FGFR1: variants seen among roughly 807,000 people sequenced by gnomAD.
The protein encoded by FGFR1 is FGFR1/PLAG1 fusion.
Under a neutral mutation model 93.7 loss-of-function variants are expected in FGFR1, and 18 were observed. The ratio of observed to expected loss-of-function variants is 0.19; its 90% CI spans 0.13 to 0.28. The LOEUF (loss-of-function observed/expected upper bound fraction) is 0.28. FGFR1 is among the 10% of genes least tolerant of loss of function. FGFR1 has a pLI of 1.00. For synonymous variants in FGFR1, 448 were observed against 429.3 expected (o/e 1.04, Z -0.54); for missense variants, 731 against 1,080.4 (o/e 0.68, Z 4.53).
intron 2 of FGFR1, among the ~76,000 whole-genome samples, chr8:38,444,220 G>C (rs1324800947): frequency 1.3e-5 from 2 of 152,048 alleles, no homozygotes; most frequent in Non-Finnish European, 2.9e-5. Flanking sequence ...TGGGACCACT[G>C]GTCTGTTCCA....
chr8:38,467,453 T>C (rs1487735898), intron 1 of FGFR1, among the ~76,000 whole-genome samples: 1 of 152,008 alleles, frequency 6.6e-6, no homozygotes, highest in Admixed American at 6.6e-5. Flanking sequence ...GAAAAGGACT[T>C]AGGAATGCCC....
At chr8:38,418,061 T>A in intron 10 of FGFR1, 70 bp from the exon 11 acceptor site, 1 of 1,611,026 alleles carries the variant, frequency 6.2e-7, no homozygotes, top group Admixed American at 1.7e-5. Flanking sequence ...GCACCCCATC[T>A]CCACCTCTCT....
rs572421760 is a variant in FGFR1, at chr8:38,455,963, G to A, written c.91+1393C>T. ...CTCTCCCACTTTGGGTCCCCACCGTGCTCCAGCTCAGACCTTGCCTTCGGT... is the reference window on the plus strand; with the variant it reads ...CTCTCCCACTTTGGGTCCCCACCGTACTCCAGCTCAGACCTTGCCTTCGGT... On this transcript the variant is annotated intron_variant, in intron 2 of 17. Coordinates refer to ENST00000447712, the MANE Select transcript of FGFR1 (RefSeq NM_023110.3). 2.6e-5 allele frequency among the ~76,000 whole-genome samples: 4 copies of A among 152,256 alleles called. No homozygotes were observed. The South Asian group carries it at 8.3e-4, about 32-fold the overall frequency.
chr8:38,436,135 G>A (rs980768431), intron 2 of FGFR1, among the ~76,000 whole-genome samples: 4 of 152,180 alleles, frequency 2.6e-5, no homozygotes, highest in African/African-American at 9.7e-5. Context: ...AGCCCTTTGG[G>A]AGGCCAAGGT....
intron 2 of FGFR1, among the ~76,000 whole-genome samples, chr8:38,449,242 G>C (rs1212604595): frequency 6.6e-6 from 1 of 152,078 alleles, no homozygotes; most frequent in Non-Finnish European, 1.5e-5. Context: ...ACTAAGATTT[G>C]AGCAGGAATT....
chr8:38,418,507 T>C, intron 9 of FGFR1, 134 bp from the exon 10 acceptor site: 1 of 1,139,332 alleles, frequency 8.8e-7, no homozygotes. Flanking sequence ...CAACACAGAG[T>C]GGTCCAAAGA....
chr8:38,418,018 A>G (rs776865304), intron 10 of FGFR1, 27 bp from the exon 11 acceptor site: 2 of 1,613,978 alleles, frequency 1.2e-6, no homozygotes, highest in East Asian at 2.2e-5. Flanking sequence ...AGAGTGGCAT[A>G]AGTTGGGGCT....
chr8:38,423,312 GT>G (rs58594253), intron 7 of FGFR1: 36,199 of 348,034 alleles, frequency 0.1, no homozygotes, highest in South Asian at 0.15. Flanking sequence ...TTCCCTTTTA[GT>G]TTTTTTTTTT....
intron 3 of FGFR1, 47 bp from the exon 4 acceptor site, chr8:38,428,482 G>C: frequency 6.7e-7 from 1 of 1,490,796 alleles, no homozygotes; most frequent in Non-Finnish European, 9.2e-7. Flanking sequence ...GGGACCCCTA[G>C]ATTTCACCAA....
In FGFR1 at chr8:38,418,219, T is replaced by A. The variant is rs371390925; in HGVS notation, c.1430+9A>T. 3 of 1,613,890 alleles carry A rather than the reference T, an allele frequency of 1.9e-6. No individual in the cohort carries two copies. The African/African-American group carries it at 4.0e-5, about 22-fold the overall frequency. On this transcript the variant is annotated intron_variant, in intron 10 of 17. Coordinates refer to ENST00000447712, the MANE Select transcript of FGFR1 (RefSeq NM_023110.3). ...GCCTTCAAAAAGTTGGGAGTCAAAG[T>A]ATTATTACCTGTCCCGAGGCAGCTC...
At chr8:38,445,624 C>T (rs1829035127) in intron 2 of FGFR1, among the ~76,000 whole-genome samples, 1 of 151,968 alleles carries the variant, frequency 6.6e-6, no homozygotes, top group South Asian at 2.1e-4. Context: ...CTGCAACCTC[C>T]GCCTCCTGGA....
chr8:38,447,508 G>A (rs1254153584), intron 2 of FGFR1, among the ~76,000 whole-genome samples: 2 of 152,144 alleles, frequency 1.3e-5, no homozygotes, highest in Non-Finnish European at 2.9e-5. Context: ...TTGAGACAGA[G>A]CGTTGCTCTG....
Position 38,468,514 on chromosome 8 carries a change from C to G in FGFR1, c.-622G>C. Reference sequence around the variant, plus strand: ...GTCCCGTCCGGACGTGGCCGCCCAGCTCCCGGCACACCCGGGTTCCTCCGC... The same window carrying G: ...GTCCCGTCCGGACGTGGCCGCCCAGGTCCCGGCACACCCGGGTTCCTCCGC... On this transcript the variant is annotated 5_prime_UTR_variant, in exon 1 of 18. Transcript: ENST00000447712. 1 of 228,756 alleles carries G rather than the reference C, an allele frequency of 4.4e-6. No homozygotes were observed. The highest frequency in any genetic ancestry group is 8.7e-6 in the Non-Finnish European group (1 of 114,974). 14.2% of individuals were successfully genotyped at this position (228,756 alleles called of 1,614,324 possible). A position where few individuals can be genotyped will look rare whatever the true frequency, so the allele number is the denominator to read the frequency against.
chr8:38,450,572 C>A (rs1043314064), intron 2 of FGFR1, among the ~76,000 whole-genome samples: 1 of 152,160 alleles, frequency 6.6e-6, no homozygotes, highest in Non-Finnish European at 1.5e-5. Context: ...GGAGCAAACA[C>A]CCCTCCGTGC....
chr8:38,467,930 C>T (rs1190884986), intron 1 of FGFR1, 51 bp downstream of exon 1: 1 of 216,868 alleles, frequency 4.6e-6, no homozygotes, highest in Non-Finnish European at 9.3e-6. Flanking sequence ...GCGCCGGGGG[C>T]CGCTCGGGAC....
At position 38,413,604 on chromosome 8, in the gene FGFR1, C is replaced by A. The variant is rs2150502351; in HGVS notation, c.*24G>T. 6.3e-7 allele frequency: 1 copy of A among 1,592,570 alleles called. No homozygotes were observed. The highest frequency in any genetic ancestry group is 8.5e-7 in the Non-Finnish European group (1 of 1,170,712). On this transcript the variant is annotated 3_prime_UTR_variant, in exon 18 of 18. Coordinates refer to ENST00000447712, the MANE Select transcript of FGFR1 (RefSeq NM_023110.3). The surrounding 1 kb of genome is among the most constrained non-coding windows in gnomAD (Gnocchi z 4.2). ...TGAGGGTTACAGCTGACGGTGGAGT[C>A]TGGGGAGGGCGTGTGGGTGGCAGTC...
chr8:38,466,648 T>A (rs1263617250), intron 1 of FGFR1: 1 of 224,998 alleles, frequency 4.4e-6, no homozygotes, highest in Non-Finnish European at 8.9e-6. Context: ...CCAGAAATGT[T>A]AAGGAGGGAG....
At chr8:38,455,301 G>A (rs951120146) in intron 2 of FGFR1, among the ~76,000 whole-genome samples, 77 of 151,784 alleles carry the variant, frequency 5.1e-4, no homozygotes, top group African/African-American at 1.9e-3. Flanking sequence ...TCTTTTTTGA[G>A]ACGGAGTCTC....
Position 38,468,633 on chromosome 8 carries a change from T to G in FGFR1, c.-741A>C. 4.3e-6 allele frequency: 1 copy of G among 231,234 alleles called. No homozygotes were observed. The highest frequency in any genetic ancestry group is 8.6e-6 in the Non-Finnish European group (1 of 116,626). The allele number at this position is 231,234 out of a possible 1,614,324, so 14.3% of individuals were successfully genotyped here. The stretch of plus-strand genomic sequence containing the variant: ...GGCCGCAAGAGCGCTCCGAGCGCTA[T>G]GCGCCGGCGGGGCGCGAGGGCTCGC... On this transcript the variant is annotated 5_prime_UTR_variant, in exon 1 of 18. Transcript: ENST00000447712.
Sources: allele counts gnomAD v4.1 joint callset (sites outside exome capture counted in the v4.1 genomes callset), GRCh38; gene constraint gnomAD v4.1.1; non-coding constraint Gnocchi (gnomAD v3.1); transcripts MANE v1.5; gene names NCBI Gene and HGNC (gene_info 2026-07-23, HGNC 2026-07-21).